The following PRKCA variants were observed in gnomAD, a reference collection of about 807,000 sequenced individuals.
PRKCA encodes protein kinase C alpha, also known as protein kinase C alpha type.
A neutral mutation model predicts 87.0 loss-of-function variants in PRKCA; 27 were observed. The observed-to-expected ratio is 0.31, with a 90% CI of 0.23 to 0.43. The LOEUF (loss-of-function observed/expected upper bound fraction) is 0.43. Among genes scored for constraint, PRKCA ranks in the 20% least tolerant of loss-of-function variants. The pLI is 1.00. For synonymous variants in PRKCA, 329 were observed against 311.1 expected (o/e 1.06, Z -0.61); for missense variants, 518 against 852.3 (o/e 0.61, Z 4.88).
intron 2 of PRKCA, among the ~76,000 whole-genome samples, chr17:66,405,111 C>T (rs1472121859): frequency 1.3e-5 from 2 of 152,094 alleles, no homozygotes; most frequent in African/African-American, 2.4e-5. Context: ...TCAGCCCGCC[C>T]CTATCTCTCC....
At chr17:66,318,507 A>G (rs1049728750) in intron 2 of PRKCA, among the ~76,000 whole-genome samples, 2 of 151,952 alleles carry the variant, frequency 1.3e-5, no homozygotes, top group South Asian at 4.1e-4. Context: ...TTCAAGTCAT[A>G]TTTTATAAAG....
chr17:66,729,780 C>CTT (rs60247180), intron 8 of PRKCA, among the ~76,000 whole-genome samples: 53,607 of 104,506 alleles, frequency 0.51, 15,261 homozygotes, highest in South Asian at 0.58. Flanking sequence ...GCGAGTTATT[C>CTT]TTTTTTTTTT....
intron 2 of PRKCA, among the ~76,000 whole-genome samples, chr17:66,423,318 T>TAAAA (rs1912597414): frequency 6.6e-6 from 1 of 152,220 alleles, no homozygotes. Flanking sequence ...CAACCTTTTA[T>TAAAA]GCACCATAGT....
chr17:66,481,519 A>C (rs1035814959), intron 2 of PRKCA, among the ~76,000 whole-genome samples: 2 of 151,984 alleles, frequency 1.3e-5, no homozygotes, highest in Non-Finnish European at 2.9e-5. Flanking sequence ...CCCCTGTTGG[A>C]TGTCGGGGCT....
chr17:66,579,885 G>A (rs766300127), intron 3 of PRKCA, among the ~76,000 whole-genome samples: 1 of 152,078 alleles, frequency 6.6e-6, no homozygotes, highest in Non-Finnish European at 1.5e-5. Flanking sequence ...AAAAAAAATC[G>A]GGGGTTGGAC....
rs191472691 is a variant in PRKCA, at chr17:66,479,948, C to T, written c.206-16253C>T. On this transcript the variant is annotated intron_variant, in intron 2 of 16. Transcript: ENST00000413366. ...GTGTTGAAACAATCTGTACAGCAAACCCCCATGACACAAGTTTACCCATAT... is the reference window on the plus strand; with the variant it reads ...GTGTTGAAACAATCTGTACAGCAAATCCCCATGACACAAGTTTACCCATAT... Among the ~76,000 whole-genome samples, 239 of 151,354 alleles carry T rather than the reference C, an allele frequency of 1.6e-3. 1 individual carries two copies. The highest frequency in any genetic ancestry group is 5.3e-3 in the African/African-American group (218 of 41,136).
At chr17:66,320,509 A>G (rs1393161758) in intron 2 of PRKCA, among the ~76,000 whole-genome samples, 1 of 152,168 alleles carries the variant, frequency 6.6e-6, no homozygotes, top group African/African-American at 2.4e-5. Context: ...GAGTTTTACC[A>G]GGTAAATAAG....
chr17:66,351,889 C>T (rs756035021), intron 2 of PRKCA, among the ~76,000 whole-genome samples: 11 of 152,086 alleles, frequency 7.2e-5, no homozygotes, highest in Non-Finnish European at 1.0e-4. Flanking sequence ...GGGACTCACC[C>T]GTGCTTCTCT....
intron 2 of PRKCA, among the ~76,000 whole-genome samples, chr17:66,394,798 C>T (rs1910566201): frequency 6.6e-6 from 1 of 152,134 alleles, no homozygotes; most frequent in Non-Finnish European, 1.5e-5. Flanking sequence ...ATATAAGGGG[C>T]TCTTTCCCCC....
chr17:66,649,328 G>T (rs1175714928), intron 5 of PRKCA, among the ~76,000 whole-genome samples: 1 of 152,202 alleles, frequency 6.6e-6, no homozygotes, highest in Non-Finnish European at 1.5e-5. Flanking sequence ...GCATGGGTTT[G>T]TCTTGAGAAA....
chr17:66,792,896 C>T lies in PRKCA; in HGVS notation c.1854+3917C>T, dbSNP rs996430875. ...TGAGATGTGAGGGAAGAACCTGCCC[C>T]TGTGGCAGTCAACAGTGGGAGAGTC... On this transcript the variant is annotated intron_variant, in intron 16 of 16. Coordinates refer to ENST00000413366, the MANE Select transcript of PRKCA (RefSeq NM_002737.3). This position sits in a 1 kb window ranked among gnomAD's most constrained non-coding sequence, Gnocchi z 4.5. 6.6e-6 allele frequency among the ~76,000 whole-genome samples: 1 copy of T among 152,226 alleles called. No homozygotes were observed. Among genetic ancestry groups the T allele is most frequent in the Non-Finnish European group, 1.5e-5 (1 of 68,040 alleles).
intron 3 of PRKCA, among the ~76,000 whole-genome samples, chr17:66,586,477 C>T (rs1755726957): frequency 6.6e-6 from 1 of 152,190 alleles, no homozygotes; most frequent in South Asian, 2.1e-4. Flanking sequence ...AGACACAGAG[C>T]ATGCAAAATC....
chr17:66,424,428 C>T (rs1443758242), intron 2 of PRKCA, among the ~76,000 whole-genome samples: 1 of 152,086 alleles, frequency 6.6e-6, no homozygotes, highest in South Asian at 2.1e-4. Flanking sequence ...ATCAGCCAGG[C>T]ATGATGGCGG....
chr17:66,739,152 G>A (rs560118165), intron 11 of PRKCA, among the ~76,000 whole-genome samples: 5 of 152,264 alleles, frequency 3.3e-5, no homozygotes, highest in Admixed American at 6.5e-5. Flanking sequence ...AAAGTGCGGG[G>A]ATTACAGGCG....
chr17:66,721,930 A>G (rs1483453021), intron 8 of PRKCA, among the ~76,000 whole-genome samples: 6 of 152,008 alleles, frequency 3.9e-5, no homozygotes, highest in Admixed American at 1.3e-4. Flanking sequence ...TGGTTTGAAC[A>G]CCTCTCACAA....
chr17:66,701,275 C>T (rs753786615), intron 8 of PRKCA, among the ~76,000 whole-genome samples: 3 of 152,044 alleles, frequency 2.0e-5, no homozygotes, highest in Non-Finnish European at 4.4e-5. Flanking sequence ...AGATGCATTT[C>T]GTAGCATATA....
At chr17:66,710,350 G>T (rs16960085) in intron 8 of PRKCA, among the ~76,000 whole-genome samples, 1 of 151,904 alleles carries the variant, frequency 6.6e-6, no homozygotes, top group African/African-American at 2.4e-5. Flanking sequence ...ACTCAATCTC[G>T]TTTTCTCACA....
intron 3 of PRKCA, among the ~76,000 whole-genome samples, chr17:66,578,403 A>G (rs953934238): frequency 9.2e-5 from 14 of 152,128 alleles, no homozygotes; most frequent in Non-Finnish European, 7.4e-5. Context: ...GTGGAAGGGG[A>G]ATGCAGCATG....
chr17:66,523,858 GC>G (rs1360127613), intron 3 of PRKCA, among the ~76,000 whole-genome samples: 11 of 152,166 alleles, frequency 7.2e-5, no homozygotes, highest in African/African-American at 1.9e-4. Context: ...GAACAGAATT[GC>G]CTTCTGATGA....
Sources: gnomAD v4.1 joint callset for allele counts (sites outside exome capture counted in the v4.1 genomes callset) on GRCh38, gnomAD v4.1.1 for gene constraint, Gnocchi (gnomAD v3.1) non-coding constraint, MANE v1.5 for transcripts, NCBI Gene and HGNC (gene_info 2026-07-23, HGNC 2026-07-21) for gene names.